The following NRF1 variants were observed in gnomAD, a reference collection of about 807,000 sequenced individuals.
The protein encoded by NRF1 is alpha palindromic-binding protein.
Under a neutral mutation model 58.5 loss-of-function variants are expected in NRF1, and 5 were observed. That is an observed-to-expected ratio of 0.09 (90% CI 0.04 to 0.18). The LOEUF is 0.18. NRF1 is among the 10% of genes least tolerant of loss of function. The pLI is 1.00. For synonymous variants in NRF1, 224 were observed against 246.7 expected (o/e 0.91, Z 0.86); for missense variants, 288 against 657.7 (o/e 0.44, Z 6.15).
intron 1 of NRF1, among the ~76,000 whole-genome samples, chr7:129,641,079 CCAGAGA>C (rs1420894745): frequency 6.6e-6 from 1 of 152,168 alleles, no homozygotes; most frequent in Non-Finnish European, 1.5e-5. Flanking sequence ...GTCCTACTAT[CCAGAGA>C]CAGCCTTTAA....
At chr7:129,713,069 A>G (rs1803111190) in intron 8 of NRF1, among the ~76,000 whole-genome samples, 1 of 150,628 alleles carries the variant, frequency 6.6e-6, no homozygotes, top group South Asian at 2.1e-4. Flanking sequence ...CATAATATTT[A>G]TAACATTAAT....
In NRF1 at chr7:129,683,645, T is replaced by G. The variant is rs1351602844; in HGVS notation, c.465+5887T>G. Among the ~76,000 whole-genome samples, 4 of 144,226 alleles carry G rather than the reference T, an allele frequency of 2.8e-5. No individual in the cohort carries two copies. In the East Asian group the frequency reaches 6.2e-4, roughly 23 times the overall value. 94.6% of individuals were successfully genotyped at this position (144,226 alleles called of 152,430 possible). A position where few individuals can be genotyped will look rare whatever the true frequency, so the allele number is the denominator to read the frequency against. On this transcript the variant is annotated intron_variant, in intron 4 of 10. Coordinates refer to ENST00000393232, the MANE Select transcript of NRF1 (RefSeq NM_005011.5). ...ACAACTGGCCGGAATTTTTTTTTTTTTTTTTTTGAGATGGAGTCTCACTCT... is the reference window on the plus strand; with the variant it reads ...ACAACTGGCCGGAATTTTTTTTTTTGTTTTTTTGAGATGGAGTCTCACTCT...
intron 2 of NRF1, among the ~76,000 whole-genome samples, chr7:129,670,709 C>T (rs567109483): frequency 5.1e-4 from 77 of 152,198 alleles, no homozygotes; most frequent in African/African-American, 1.6e-3. Flanking sequence ...TTTGAGTCTA[C>T]CCTCCATCTA....
At chr7:129,638,749 T>C (rs1270776688) in intron 1 of NRF1, among the ~76,000 whole-genome samples, 1 of 152,212 alleles carries the variant, frequency 6.6e-6, no homozygotes, top group Non-Finnish European at 1.5e-5. Context: ...TTGATTTCTT[T>C]AGGAACTTAG....
chr7:129,742,889 G>A (rs1163359884), intron 10 of NRF1, among the ~76,000 whole-genome samples: 2 of 152,162 alleles, frequency 1.3e-5, no homozygotes, highest in Admixed American at 6.5e-5. Flanking sequence ...CAAGCACTCT[G>A]TAGCCACTGT....
intron 6 of NRF1, among the ~76,000 whole-genome samples, chr7:129,709,697 C>T (rs1374446380): frequency 6.7e-6 from 1 of 149,458 alleles, no homozygotes; most frequent in African/African-American, 2.5e-5. Flanking sequence ...ACTTTTTTTG[C>T]GTATTTATTT....
intron 9 of NRF1, among the ~76,000 whole-genome samples, chr7:129,718,466 C>T (rs994051910): frequency 3.9e-5 from 6 of 152,182 alleles, no homozygotes; most frequent in African/African-American, 9.7e-5. Flanking sequence ...TGAACTCTTG[C>T]GGCATGCCAG....
chr7:129,635,474 A>G (rs1801148569), intron 1 of NRF1, among the ~76,000 whole-genome samples: 1 of 152,128 alleles, frequency 6.6e-6, no homozygotes, highest in Non-Finnish European at 1.5e-5. Context: ...CTGTTTGTAT[A>G]ATTCTGTTTG....
intron 7 of NRF1, 131 bp from the exon 8 acceptor site, chr7:129,711,344 A>C: frequency 1.6e-6 from 1 of 612,622 alleles, no homozygotes; most frequent in South Asian, 2.4e-5. Flanking sequence ...CTATGATTTT[A>C]GATTTCACAT....
intron 10 of NRF1, among the ~76,000 whole-genome samples, chr7:129,752,729 T>G (rs75613728): frequency 6.6e-6 from 1 of 151,976 alleles, no homozygotes; most frequent in Admixed American, 6.6e-5. Context: ...GAAAGATAAT[T>G]TGAGTGACTG....
At chr7:129,623,294 C>T (rs1800842269) in intron 1 of NRF1, among the ~76,000 whole-genome samples, 2 of 151,930 alleles carry the variant, frequency 1.3e-5, no homozygotes, top group East Asian at 1.9e-4. Flanking sequence ...TTTATTTTAC[C>T]CTGGGAGCTT....
chr7:129,682,880 A>G (rs971334677), intron 4 of NRF1, among the ~76,000 whole-genome samples: 2 of 152,184 alleles, frequency 1.3e-5, no homozygotes, highest in Non-Finnish European at 2.9e-5. Context: ...ATCATATTTG[A>G]AAAATTACAT....
chr7:129,651,251 G>A (rs961198539), intron 1 of NRF1, among the ~76,000 whole-genome samples: 2 of 151,866 alleles, frequency 1.3e-5, no homozygotes, highest in Non-Finnish European at 2.9e-5. Context: ...GTAAAACCCC[G>A]TCTCTGCTAA....
chr7:129,748,806 CTAAA>C (rs922346646), intron 10 of NRF1, among the ~76,000 whole-genome samples: 5 of 152,192 alleles, frequency 3.3e-5, no homozygotes, highest in Non-Finnish European at 7.4e-5. Context: ...CTCAAAATAA[CTAAA>C]TAAATTCCAT....
intron 9 of NRF1, among the ~76,000 whole-genome samples, chr7:129,721,616 G>T (rs1229955258): frequency 6.6e-6 from 1 of 151,716 alleles, no homozygotes; most frequent in Non-Finnish European, 1.5e-5. Flanking sequence ...CAAGTAGCTG[G>T]GACTACAGGC....
intron 1 of NRF1, among the ~76,000 whole-genome samples, chr7:129,630,918 G>A (rs573000815): frequency 1.3e-3 from 199 of 152,208 alleles, no homozygotes; most frequent in Non-Finnish European, 2.5e-3. Flanking sequence ...AAATTATTTT[G>A]TAGGCATTTC....
At chr7:129,746,326 T>C (rs1188899769) in intron 10 of NRF1, among the ~76,000 whole-genome samples, 1 of 152,214 alleles carries the variant, frequency 6.6e-6, no homozygotes, top group Non-Finnish European at 1.5e-5. Flanking sequence ...ATTGACATTC[T>C]CTTCATGACC....
chr7:129,613,405 T>A (rs764052630), intron 1 of NRF1, among the ~76,000 whole-genome samples: 21 of 152,152 alleles, frequency 1.4e-4, no homozygotes, highest in Non-Finnish European at 2.8e-4. Flanking sequence ...GTTCTCTCCG[T>A]GCATCTGAGT....
At chr7:129,619,559 C>T (rs1800745869) in intron 1 of NRF1, among the ~76,000 whole-genome samples, 1 of 142,472 alleles carries the variant, frequency 7.0e-6, no homozygotes, top group African/African-American at 2.6e-5. Flanking sequence ...GAATAGATTT[C>T]TAGAGCATTA....
Sources: gnomAD v4.1 joint callset for allele counts (sites outside exome capture counted in the v4.1 genomes callset) on GRCh38, gnomAD v4.1.1 for gene constraint, MANE v1.5 for transcripts, NCBI Gene and HGNC (gene_info 2026-07-23, HGNC 2026-07-21) for gene names.